DMC1: variants seen among roughly 807,000 people sequenced by gnomAD.
DMC1 encodes the protein DNA meiotic recombinase 1.
A neutral mutation model predicts 50.1 loss-of-function variants in DMC1; 27 were observed. The ratio of observed to expected loss-of-function variants is 0.54; its 90% CI spans 0.40 to 0.74. DMC1 has a LOEUF of 0.74. Ranked by LOEUF, DMC1 falls within the 30% of genes least tolerant of loss-of-function variation. The probability of loss-of-function intolerance (pLI) is 0.00; values close to 1 mark genes in which losing one functional copy is unlikely to be tolerated. For synonymous variants in DMC1, 148 were observed against 136.1 expected (o/e 1.09, Z -0.61); for missense variants, 295 against 420.2 (o/e 0.70, Z 2.60).
At chr22:38,517,988 T>A (rs2145748897), downstream of DMC1, among the ~76,000 whole-genome samples, 1 of 152,174 alleles carries the variant, frequency 6.6e-6, no homozygotes, top group East Asian at 1.9e-4. Context: ...TTTTTTTTTT[T>A]TTGAGACGGA....
intron 5 of DMC1, among the ~76,000 whole-genome samples, chr22:38,558,333 A>C (rs941896957): frequency 6.6e-6 from 1 of 152,068 alleles, no homozygotes; most frequent in African/African-American, 2.4e-5. Flanking sequence ...TTATAAAAGC[A>C]CCCTTAAAAT....
chr22:38,520,194 C>T, intron 13 of DMC1, 105 bp from the exon 14 acceptor site: 2 of 966,222 alleles, frequency 2.1e-6, no homozygotes, highest in Admixed American at 1.9e-5. Flanking sequence ...TCTCCAGAGA[C>T]ATCTCAGAGT....
intron 8 of DMC1, among the ~76,000 whole-genome samples, chr22:38,540,621 T>A (rs921074683): frequency 6.6e-6 from 1 of 152,180 alleles, no homozygotes; most frequent in Admixed American, 6.5e-5. Context: ...CCATTTATAA[T>A]CTTATTTGTG....
At chr22:38,535,066 G>A (rs1435748763) in intron 12 of DMC1, among the ~76,000 whole-genome samples, 6 of 151,892 alleles carry the variant, frequency 4.0e-5, no homozygotes, top group South Asian at 2.1e-4. Flanking sequence ...TTGGGAGGCC[G>A]GGGCAGGTGG....
Position 38,537,659 on chromosome 22 carries a change from CAA to C in DMC1, c.776-9_776-8del, listed in dbSNP as rs780593154. On this transcript the variant is annotated splice_polypyrimidine_tract_variant and splice_region_variant and intron_variant, in intron 11 of 13. Coordinates refer to ENST00000216024, the MANE Select transcript of DMC1 (RefSeq NM_007068.4). ...AAAACAGCCACGTTATATTCTGCAT[CAA>C]GAGATAAAATTTTAAAACTATGAGA... 3.7e-6 allele frequency: 6 copies of C among 1,612,518 alleles called. No individual in the cohort carries two copies. Among genetic ancestry groups the C allele is most frequent in the Non-Finnish European group, 5.1e-6 (6 of 1,178,756 alleles).
chr22:38,511,624 CAG>C, the DMC1 span, among the ~76,000 whole-genome samples: 2 of 152,084 alleles, frequency 1.3e-5, no homozygotes, highest in Admixed American at 6.6e-5. Context: ...AGAGAGAAGA[CAG>C]GGTCTTGTTC....
chr22:38,538,190 T>C, intron 11 of DMC1, 105 bp downstream of exon 11: 1 of 900,020 alleles, frequency 1.1e-6, no homozygotes, highest in Non-Finnish European at 1.8e-6. Context: ...AAAGGTAATT[T>C]TATTTAAAAA....
At chr22:38,511,422 T>TA in the DMC1 span, among the ~76,000 whole-genome samples, 1 of 151,572 alleles carries the variant, frequency 6.6e-6, no homozygotes, top group Non-Finnish European at 1.5e-5. Context: ...CTACAAATAA[T>TA]AAAAAAATTA....
At chr22:38,566,853 G>A in intron 3 of DMC1, 117 bp from the exon 4 acceptor site, 1 of 1,059,872 alleles carries the variant, frequency 9.4e-7, no homozygotes, top group Admixed American at 1.9e-5. Context: ...TTTTATACAA[G>A]CTGCCAGGTG....
At chr22:38,566,803 C>T (rs975421253) in intron 3 of DMC1, 67 bp from the exon 4 acceptor site, 3 of 1,526,346 alleles carry the variant, frequency 2.0e-6, no homozygotes, top group Non-Finnish European at 2.7e-6. Context: ...CATACTATGT[C>T]ATGTGTTTCT....
At chr22:38,515,444 T>G (rs2089970135), downstream of DMC1, among the ~76,000 whole-genome samples, 1 of 138,708 alleles carries the variant, frequency 7.2e-6, no homozygotes, top group African/African-American at 2.8e-5. Flanking sequence ...ACCATTGCAC[T>G]CCAGCCTGGG....
chr22:38,535,115 C>T (rs1015248990), intron 12 of DMC1, among the ~76,000 whole-genome samples: 6 of 151,104 alleles, frequency 4.0e-5, no homozygotes, highest in African/African-American at 1.5e-4. Context: ...CTGGCTAACA[C>T]GGTGAAACCC....
At chr22:38,534,454 G>T (rs1011546931) in intron 12 of DMC1, among the ~76,000 whole-genome samples, 16 of 152,204 alleles carry the variant, frequency 1.1e-4, no homozygotes, top group African/African-American at 3.9e-4. Context: ...TGTAATCCCA[G>T]CACTTTGGGA....
At chr22:38,525,078 T>TAAA (rs1344450333) in intron 12 of DMC1, among the ~76,000 whole-genome samples, 15 of 151,706 alleles carry the variant, frequency 9.9e-5, no homozygotes, top group African/African-American at 3.1e-4. Context: ...AATAAATAAA[T>TAAA]TAATTAATTA....
At chr22:38,550,038 A>G in intron 7 of DMC1, 41 bp from the exon 8 acceptor site, 1 of 1,404,074 alleles carries the variant, frequency 7.1e-7, no homozygotes, top group East Asian at 2.4e-5. Flanking sequence ...GGAGTGAATA[A>G]ACTTTGTACA....
At chr22:38,553,850 T>A (rs1235535491) in intron 6 of DMC1, among the ~76,000 whole-genome samples, 7 of 150,658 alleles carry the variant, frequency 4.6e-5, no homozygotes, top group Non-Finnish European at 8.8e-5. Context: ...TCCCAGCTAC[T>A]TGGGAGGCTG....
At chr22:38,528,075 T>C (rs895395700) in intron 12 of DMC1, among the ~76,000 whole-genome samples, 2 of 151,536 alleles carry the variant, frequency 1.3e-5, no homozygotes, top group African/African-American at 4.9e-5. Context: ...TTTTTTTTTT[T>C]TTTTGAGACA....
chr22:38,509,847 G>A, the DMC1 span, among the ~76,000 whole-genome samples: 4 of 151,894 alleles, frequency 2.6e-5, no homozygotes, highest in African/African-American at 7.3e-5. Context: ...ATATTTTTTA[G>A]TAGAGACTGG....
At chr22:38,557,997 C>T (rs2090486675) in intron 5 of DMC1, among the ~76,000 whole-genome samples, 1 of 85,664 alleles carries the variant, frequency 1.2e-5, no homozygotes, top group South Asian at 4.1e-4. Context: ...GAGTCTCACT[C>T]TGTCGCCCAG....
Sources: allele counts gnomAD v4.1 joint callset (sites outside exome capture counted in the v4.1 genomes callset), GRCh38; gene constraint gnomAD v4.1.1; transcripts MANE v1.5; gene names NCBI Gene and HGNC (gene_info 2026-07-23, HGNC 2026-07-21).